RFX3: variants seen among roughly 807,000 people sequenced by gnomAD.
RFX3 encodes regulatory factor X3.
RFX3 carries 14 observed loss-of-function variants against 98.6 expected under a neutral mutation model. The ratio of observed to expected loss-of-function variants is 0.14; its 90% CI spans 0.09 to 0.22. RFX3 has a LOEUF of 0.22. Ranked by LOEUF, RFX3 falls within the 10% of genes least tolerant of loss-of-function variation. The pLI, the probability that RFX3 is intolerant of heterozygous loss-of-function variation, is 1.00. For missense variants in RFX3, 639 were observed against 926.9 expected (o/e 0.69, Z 4.03); for synonymous variants, 383 against 328.4 (o/e 1.17, Z -1.80).
chr9:3,276,779 A>T (rs1334926498), intron 8 of RFX3, among the ~76,000 whole-genome samples: 1 of 152,094 alleles, frequency 6.6e-6, no homozygotes, highest in Admixed American at 6.6e-5. Context: ...CAATCAAATT[A>T]AAGTGCCACT....
At chr9:3,427,306 T>C (rs988137833) in intron 1 of RFX3, among the ~76,000 whole-genome samples, 4 of 142,988 alleles carry the variant, frequency 2.8e-5, no homozygotes, top group African/African-American at 1.0e-4. Flanking sequence ...ATATATATTG[T>C]ATTACATAAT....
At chr9:3,492,903 G>A (rs1235110421) in intron 1 of RFX3, among the ~76,000 whole-genome samples, 1 of 152,160 alleles carries the variant, frequency 6.6e-6, no homozygotes, top group Non-Finnish European at 1.5e-5. Flanking sequence ...AATATAGTGA[G>A]TGAGCTTTCA....
chr9:3,430,425 A>G (rs1298709144), intron 1 of RFX3, among the ~76,000 whole-genome samples: 2 of 152,222 alleles, frequency 1.3e-5, no homozygotes, highest in South Asian at 4.1e-4. Context: ...TTCCTCAGAA[A>G]TAAGATAGAG....
At chr9:3,387,601 A>G (rs1333669298) in intron 2 of RFX3, among the ~76,000 whole-genome samples, 5 of 151,854 alleles carry the variant, frequency 3.3e-5, no homozygotes, top group Non-Finnish European at 7.4e-5. Context: ...CTAAAAATAA[A>G]TCTCTCCAAG....
chr9:3,412,808 T>C (rs923116539), intron 1 of RFX3, among the ~76,000 whole-genome samples: 1 of 152,178 alleles, frequency 6.6e-6, no homozygotes, highest in African/African-American at 2.4e-5. Context: ...TTAAAAATTA[T>C]TGATGCTGGC....
Position 3,377,862 on chromosome 9 carries a change from A to T in RFX3, c.117+17610T>A, listed in dbSNP as rs569081972. ...AATAGGTGGATTTTATTGCGTGTAA[A>T]TTATACTTAGAAATTTTCAGTTCGG... On this transcript the variant is annotated intron_variant, in intron 2 of 16. Transcript: ENST00000617270. Among the ~76,000 whole-genome samples, 8 of 152,298 alleles carry T rather than the reference A, an allele frequency of 5.3e-5. No homozygotes were observed. The East Asian group carries it at 1.5e-3, about 29-fold the overall frequency.
chr9:3,411,483 G>T (rs1842462362), intron 1 of RFX3, among the ~76,000 whole-genome samples: 1 of 151,912 alleles, frequency 6.6e-6, no homozygotes, highest in South Asian at 2.1e-4. Context: ...CCAAGTAGCT[G>T]GGATTACAGG....
chr9:3,370,228 C>A (rs984877168), intron 2 of RFX3, among the ~76,000 whole-genome samples: 30 of 150,734 alleles, frequency 2.0e-4, no homozygotes, highest in African/African-American at 6.8e-4. Context: ...AGCAAGTTAT[C>A]CAATGAGTAC....
At chr9:3,469,027 A>G in intron 1 of RFX3, 1 of 338,654 alleles carries the variant, frequency 3.0e-6, no homozygotes, top group South Asian at 2.4e-5. Context: ...TGTAGCCAAA[A>G]TTTAGAAAAA....
chr9:3,504,366 AAT>A (rs1816465326), intron 1 of RFX3, among the ~76,000 whole-genome samples: 1 of 136,072 alleles, frequency 7.3e-6, no homozygotes, highest in South Asian at 2.2e-4. Context: ...TTGTATATAA[AAT>A]ATATATTATA....
At position 3,234,417 on chromosome 9, in the gene RFX3, T is replaced by A. The variant is rs558946234; in HGVS notation, c.1969-5528A>T. 2.0e-4 allele frequency among the ~76,000 whole-genome samples: 31 copies of A among 152,302 alleles called. No individual in the cohort carries two copies. In the South Asian group the frequency reaches 6.2e-3, roughly 31 times the overall value. On this transcript the variant is annotated intron_variant, in intron 15 of 16. Transcript: ENST00000617270. ...ACTTTGGGAAGCACAGGTGTGCGTA[T>A]TGCTTAAGCCCAGGAGTTTGAGGCT...
At chr9:3,400,683 T>A (rs944706720) in intron 1 of RFX3, among the ~76,000 whole-genome samples, 4 of 152,208 alleles carry the variant, frequency 2.6e-5, no homozygotes, top group African/African-American at 9.6e-5. Flanking sequence ...AGGGTATCAA[T>A]CATATCCCTT....
At chr9:3,260,002 G>A (rs1822658107) in intron 13 of RFX3, among the ~76,000 whole-genome samples, 1 of 151,972 alleles carries the variant, frequency 6.6e-6, no homozygotes. Flanking sequence ...GGGGATAAAG[G>A]TAAAATGGGA....
chr9:3,448,546 T>C (rs918848882), intron 1 of RFX3, among the ~76,000 whole-genome samples: 7 of 152,162 alleles, frequency 4.6e-5, no homozygotes, highest in Non-Finnish European at 1.0e-4. Context: ...AGGGTCTCAT[T>C]CTGTCGCCCA....
intron 1 of RFX3, among the ~76,000 whole-genome samples, chr9:3,453,119 T>A (rs1426563823): frequency 6.6e-6 from 1 of 152,080 alleles, no homozygotes; most frequent in Non-Finnish European, 1.5e-5. Flanking sequence ...ACATGTAAAT[T>A]TCTTAGCCTA....
At chr9:3,490,421 TTAAAATTA>T in intron 1 of RFX3, 1 of 294,026 alleles carries the variant, frequency 3.4e-6, no homozygotes, top group Non-Finnish European at 5.0e-6. Context: ...ATGTGACTAT[TTAAAATTA>T]TTAAGTTTAT....
intron 1 of RFX3, among the ~76,000 whole-genome samples, chr9:3,423,432 A>C (rs1015055468): frequency 1.3e-5 from 2 of 152,228 alleles, no homozygotes; most frequent in Admixed American, 6.5e-5. Flanking sequence ...CTAAAATGAA[A>C]TACTACTCTG....
chr9:3,385,144 A>T (rs1839568404), intron 2 of RFX3, among the ~76,000 whole-genome samples: 1 of 152,218 alleles, frequency 6.6e-6, no homozygotes, highest in African/African-American at 2.4e-5. Flanking sequence ...GCAAAAGGGT[A>T]GGTGCTCTGT....
chr9:3,518,155 G>A (rs1818357455), intron 1 of RFX3, among the ~76,000 whole-genome samples: 1 of 152,124 alleles, frequency 6.6e-6, no homozygotes, highest in African/African-American at 2.4e-5. Context: ...TACCATCTAG[G>A]TGTGTGTTGG....
Sources: allele counts gnomAD v4.1 joint callset (sites outside exome capture counted in the v4.1 genomes callset), GRCh38; gene constraint gnomAD v4.1.1; transcripts MANE v1.5; gene names NCBI Gene and HGNC (gene_info 2026-07-23, HGNC 2026-07-21).